The following FGF14 variants were observed in gnomAD, a reference collection of about 807,000 sequenced individuals.
FGF14 encodes fibroblast growth factor homologous factor 4.
In FGF14, 5 loss-of-function variants were observed where a neutral mutation model predicts 25.5. The observed-to-expected ratio is 0.20, with a 90% confidence interval of 0.10 to 0.41. The LOEUF (loss-of-function observed/expected upper bound fraction) is 0.41. Among genes scored for constraint, FGF14 ranks in the 10% least tolerant of loss-of-function variants. FGF14 has a pLI of 1.00. For missense variants in FGF14, 222 were observed against 320.1 expected, an observed-to-expected ratio of 0.69 and a Z score of 2.34; for synonymous variants, 138 against 118.3, an observed-to-expected ratio of 1.17 and a Z score of -1.08.
At position 102,245,782 on chromosome 13, in the gene FGF14, G is replaced by C. The variant is rs958759701; in HGVS notation, c.208+155689C>G. Reference sequence around the variant, plus strand: ...CCCTCAAAAAACAGTTATGAGAATTGAGATATGTTTTTAAAGTGTCATTTG... The same window carrying C: ...CCCTCAAAAAACAGTTATGAGAATTCAGATATGTTTTTAAAGTGTCATTTG... On this transcript the variant is annotated intron_variant, in intron 1 of 4. Coordinates refer to the FGF14 transcript ENST00000376131. 3.3e-5 allele frequency among the ~76,000 whole-genome samples: 5 copies of C among 152,006 alleles called. No individual in the cohort carries two copies. The South Asian group carries it at 8.3e-4, about 25-fold the overall frequency.
At chr13:102,007,568 C>T (rs80187991) in intron 1 of FGF14, among the ~76,000 whole-genome samples, 2,725 of 152,164 alleles carry the variant, frequency 0.018, 95 homozygotes, top group African/African-American at 0.062. Flanking sequence ...TCCCACCTCG[C>T]TCTGACACTG....
At chr13:102,158,248 T>C (rs2047442631) in intron 1 of FGF14, among the ~76,000 whole-genome samples, 1 of 152,100 alleles carries the variant, frequency 6.6e-6, no homozygotes, top group African/African-American at 2.4e-5. Flanking sequence ...CTATTCACAA[T>C]AGCAAAGACT....
intron 1 of FGF14, among the ~76,000 whole-genome samples, chr13:102,253,255 A>G (rs1007845882): frequency 6.6e-6 from 1 of 152,186 alleles, no homozygotes; most frequent in African/African-American, 2.4e-5. Flanking sequence ...ACTGACTTCC[A>G]CAATGGTTGA....
intron 1 of FGF14, among the ~76,000 whole-genome samples, chr13:101,981,501 T>G (rs760384708): frequency 1.3e-5 from 2 of 152,118 alleles, no homozygotes; most frequent in Non-Finnish European, 2.9e-5. Flanking sequence ...GCAGCCCACA[T>G]AGACTAAGAC....
intron 1 of FGF14, among the ~76,000 whole-genome samples, chr13:101,879,018 G>T (rs559441691): frequency 6.6e-6 from 1 of 152,080 alleles, no homozygotes; most frequent in African/African-American, 2.4e-5. Flanking sequence ...ATGAATAATT[G>T]AAAAATAAAT....
Position 101,868,826 on chromosome 13 carries a change from G to A in FGF14, c.307C>T (p.Leu103Phe). The change falls in exon 3 of 5, where the codon CTC becomes TTC. Residue 103 changes from leucine (L) to phenylalanine (F), a missense_variant and splice_region_variant. By Grantham distance (22) the Leu-to-Phe change is conservative. Transcript: ENST00000376143. ...AGTCCCACTGGTATGAGGTTGAAGA[G>A]TGCTGTGAAGATAAACATTGTCTAT... ...GTKDDSTNST[L>F]FNLIPVGLRV... is the part of the protein sequence containing the mutation. The A allele has an allele frequency of 3.7e-6, 6 of 1,607,380 alleles. 1 individual carries two copies. In the Middle Eastern group the frequency reaches 9.9e-4, roughly 266 times the overall value.
At chr13:102,072,577 A>G (rs1474300351) in intron 1 of FGF14, among the ~76,000 whole-genome samples, 5 of 152,246 alleles carry the variant, frequency 3.3e-5, no homozygotes, top group African/African-American at 1.2e-4. Flanking sequence ...TCAACTAAGT[A>G]ATACAGGATA....
rs1213666850 is a variant in FGF14 at position 102,161,632 on chromosome 13, A to T, written c.208+239839T>A. Among the ~76,000 whole-genome samples, 118 of 12,116 alleles carry T rather than the reference A, an allele frequency of 9.7e-3. 9 individuals are homozygous for T. Among genetic ancestry groups the T allele is most frequent in the African/African-American group, 0.046 (112 of 2,436 alleles). 7.9% of individuals were successfully genotyped at this position (12,116 alleles called of 152,430 possible). On this transcript the variant is annotated intron_variant, in intron 1 of 4. Coordinates refer to the FGF14 transcript ENST00000376131. ...GAAGAAGAAGAAGAAGAAGAAGAAGAAGAAGAAGAAGAAGAAGAAGAAGAA... is the reference window on the plus strand; with the variant it reads ...GAAGAAGAAGAAGAAGAAGAAGAAGTAGAAGAAGAAGAAGAAGAAGAAGAA...
At chr13:101,843,849 C>G (rs771795787) in intron 3 of FGF14, among the ~76,000 whole-genome samples, 3 of 151,938 alleles carry the variant, frequency 2.0e-5, no homozygotes, top group African/African-American at 4.8e-5. Flanking sequence ...AGAGCTCTGT[C>G]AAACTCTGTG....
chr13:102,000,617 G>A (rs1193308829), intron 1 of FGF14, among the ~76,000 whole-genome samples: 1 of 152,158 alleles, frequency 6.6e-6, no homozygotes, highest in Admixed American at 6.5e-5. Flanking sequence ...AGTCCAGCAA[G>A]GAAATATTCT....
intron 3 of FGF14, among the ~76,000 whole-genome samples, chr13:101,753,776 C>G (rs779756282): frequency 1.3e-4 from 20 of 149,954 alleles, no homozygotes; most frequent in Non-Finnish European, 2.5e-4. Context: ...GCACTCCAGC[C>G]TGGGCAACAA....
At chr13:101,766,211 T>C (rs573198645) in intron 3 of FGF14, among the ~76,000 whole-genome samples, 1 of 152,232 alleles carries the variant, frequency 6.6e-6, no homozygotes, top group Non-Finnish European at 1.5e-5. Flanking sequence ...GAAATGCCAA[T>C]ATTTTAAAAA....
intron 3 of FGF14, among the ~76,000 whole-genome samples, chr13:101,756,536 C>A (rs964555230): frequency 1.3e-5 from 2 of 152,116 alleles, no homozygotes; most frequent in Non-Finnish European, 2.9e-5. Context: ...AGATTGAGAT[C>A]ATCCTGGCCA....
At chr13:102,274,166 T>C (rs2053392195) in intron 1 of FGF14, among the ~76,000 whole-genome samples, 1 of 152,202 alleles carries the variant, frequency 6.6e-6, no homozygotes. Flanking sequence ...TGCCTGTGCC[T>C]GGCTAGCTAC....
intron 1 of FGF14, among the ~76,000 whole-genome samples, chr13:102,358,509 G>A (rs1340498908): frequency 1.3e-5 from 2 of 152,150 alleles, no homozygotes; most frequent in African/African-American, 4.8e-5. Flanking sequence ...TGCACAAGCT[G>A]TTAAGGCCCA....
At chr13:102,268,202 C>G (rs1182884720) in intron 1 of FGF14, among the ~76,000 whole-genome samples, 1 of 152,094 alleles carries the variant, frequency 6.6e-6, no homozygotes, top group African/African-American at 2.4e-5. Context: ...TCCATGACAT[C>G]CAACATAAGT....
intron 3 of FGF14, among the ~76,000 whole-genome samples, chr13:101,781,143 TCTCTC>T (rs2039468085): frequency 3.7e-5 from 2 of 53,820 alleles, no homozygotes; most frequent in Non-Finnish European, 7.7e-5. Context: ...TTTGTCTCTC[TCTCTC>T]TCTCACTCAC....
intron 1 of FGF14, among the ~76,000 whole-genome samples, chr13:102,069,573 C>T (rs773889122): frequency 3.3e-5 from 5 of 152,046 alleles, no homozygotes; most frequent in Non-Finnish European, 5.9e-5. Flanking sequence ...CTGAGCCCAG[C>T]GAGACCACAA....
chr13:102,230,494 G>C (rs2051033835), intron 1 of FGF14, among the ~76,000 whole-genome samples: 1 of 152,104 alleles, frequency 6.6e-6, no homozygotes, highest in Admixed American at 6.6e-5. Context: ...GAGTACAAAG[G>C]AAAAAGTGGT....
Sources: allele counts gnomAD v4.1 joint callset (sites outside exome capture counted in the v4.1 genomes callset), GRCh38; gene constraint gnomAD v4.1.1; transcripts MANE v1.5; gene names NCBI Gene and HGNC (gene_info 2026-07-23, HGNC 2026-07-21).